Variants in GLI2 observed in about 807,000 individuals in gnomAD.
GLI2 encodes the protein GLI family zinc finger 2, also known as transcription activator GLI2.
GLI2 carries 22 observed loss-of-function variants against 78.9 expected under a neutral mutation model. The observed-to-expected ratio is 0.28, with a 90% CI of 0.20 to 0.40. GLI2 has a LOEUF of 0.40. GLI2 is among the 10% of genes least tolerant of loss of function. The pLI is 1.00. For synonymous variants in GLI2, 974 were observed against 963.7 expected, an observed-to-expected ratio of 1.01 and a Z score of -0.20; for missense variants, 2,097 against 2,213.2, an observed-to-expected ratio of 0.95 and a Z score of 1.05.
At chr2:120,744,016 G>T (rs1208556855) in intron 1 of GLI2, among the ~76,000 whole-genome samples, 3 of 152,224 alleles carry the variant, frequency 2.0e-5, no homozygotes, top group Non-Finnish European at 4.4e-5. Context: ...GTGGTCACAG[G>T]GTCAGTGTAA....
intron 4 of GLI2, 93 bp from the exon 5 acceptor site, chr2:120,955,152 C>A: frequency 3.3e-6 from 1 of 304,662 alleles, no homozygotes; most frequent in Non-Finnish European, 5.9e-6. Context: ...TTTCTCTCTG[C>A]CTTTTTTTTT....
At chr2:120,901,822 A>G (rs960231436) in intron 2 of GLI2, among the ~76,000 whole-genome samples, 6 of 152,186 alleles carry the variant, frequency 3.9e-5, no homozygotes, top group Non-Finnish European at 8.8e-5. Flanking sequence ...TAGATTAAGG[A>G]GGTGAGATTA....
chr2:120,888,502 C>T (rs1677523806), intron 2 of GLI2, among the ~76,000 whole-genome samples: 1 of 152,024 alleles, frequency 6.6e-6, no homozygotes. Context: ...CAGGAGAGAC[C>T]CTGTGCAGTG....
At chr2:120,905,160 T>C (rs112405240) in intron 2 of GLI2, among the ~76,000 whole-genome samples, 3,250 of 151,698 alleles carry the variant, frequency 0.021, 67 homozygotes, top group Non-Finnish European at 0.031. Flanking sequence ...CAGGCTCCCT[T>C]GGGGCCTGCA....
At chr2:120,758,731 G>A (rs1823264) in intron 1 of GLI2, among the ~76,000 whole-genome samples, 7,890 of 152,340 alleles carry the variant, frequency 0.052, 282 homozygotes, top group Middle Eastern at 0.11. Context: ...CTTGGCTTGC[G>A]GGTGAGGGCC....
chr2:120,937,445 T>A (rs140004742), intron 3 of GLI2, among the ~76,000 whole-genome samples: 1 of 152,042 alleles, frequency 6.6e-6, no homozygotes, highest in Non-Finnish European at 1.5e-5. Flanking sequence ...CATGATCTGG[T>A]TGGGGAGAGG....
At chr2:120,905,820 G>A (rs1678496544) in intron 2 of GLI2, among the ~76,000 whole-genome samples, 1 of 152,122 alleles carries the variant, frequency 6.6e-6, no homozygotes, top group Non-Finnish European at 1.5e-5. Flanking sequence ...GCAGGTGTTG[G>A]CTGTTGCCCT....
At chr2:120,821,572 G>A (rs1196198478) in intron 2 of GLI2, among the ~76,000 whole-genome samples, 2 of 152,132 alleles carry the variant, frequency 1.3e-5, no homozygotes, top group Non-Finnish European at 2.9e-5. Context: ...GGTGGGCCCT[G>A]GGGAGGGGAC....
At chr2:120,845,687 G>C (rs1182953776) in intron 2 of GLI2, among the ~76,000 whole-genome samples, 1 of 152,214 alleles carries the variant, frequency 6.6e-6, no homozygotes, top group Non-Finnish European at 1.5e-5. Context: ...TCGGGACACT[G>C]CCTGGACTCT....
At chr2:120,804,545 C>T (rs989253215) in intron 2 of GLI2, among the ~76,000 whole-genome samples, 1 of 151,998 alleles carries the variant, frequency 6.6e-6, no homozygotes, top group Non-Finnish European at 1.5e-5. Flanking sequence ...CTGGCTTATC[C>T]GAGTTTCTCT....
chr2:120,755,041 G>A (rs1270155344), intron 1 of GLI2, among the ~76,000 whole-genome samples: 3 of 151,930 alleles, frequency 2.0e-5, no homozygotes, highest in Admixed American at 6.6e-5. Context: ...TAGTAGAGAC[G>A]GGTTTCACCA....
At chr2:120,780,977 C>A (rs967552777) in intron 1 of GLI2, among the ~76,000 whole-genome samples, 3 of 152,152 alleles carry the variant, frequency 2.0e-5, no homozygotes, top group Admixed American at 6.5e-5. Context: ...CTGGCTCACC[C>A]CTCTGTCCTG....
intron 1 of GLI2, among the ~76,000 whole-genome samples, chr2:120,782,301 C>T (rs1683872478): frequency 6.6e-6 from 1 of 152,136 alleles, no homozygotes; most frequent in East Asian, 1.9e-4. Flanking sequence ...TGGTAGACTT[C>T]CTTCAGGGAT....
intron 2 of GLI2, among the ~76,000 whole-genome samples, chr2:120,913,322 T>G (rs564836081): frequency 6.6e-6 from 1 of 152,332 alleles, no homozygotes; most frequent in South Asian, 2.1e-4. Context: ...GTACCAGGTT[T>G]TGAAGACGTA....
chr2:120,902,851 T>C (rs1415573313), intron 2 of GLI2, among the ~76,000 whole-genome samples: 1 of 152,194 alleles, frequency 6.6e-6, no homozygotes, highest in Non-Finnish European at 1.5e-5. Flanking sequence ...TTCTTTAGGC[T>C]CCCAAGGAGA....
At chr2:120,899,706 G>A (rs947919148) in intron 2 of GLI2, among the ~76,000 whole-genome samples, 9 of 152,334 alleles carry the variant, frequency 5.9e-5, no homozygotes, top group South Asian at 4.1e-4. Flanking sequence ...AATAGGAATG[G>A]CGGTGCCCAT....
intron 3 of GLI2, among the ~76,000 whole-genome samples, chr2:120,935,529 A>G (rs113310367): frequency 4.6e-5 from 7 of 152,188 alleles, no homozygotes; most frequent in Non-Finnish European, 8.8e-5. Context: ...GAGGAGCAGT[A>G]GCAGGAGTCT....
intron 1 of GLI2, among the ~76,000 whole-genome samples, chr2:120,753,547 A>G (rs1287074959): frequency 3.3e-5 from 5 of 152,076 alleles, no homozygotes; most frequent in African/African-American, 1.2e-4. Context: ...GTTTCTTAGC[A>G]ATTTTTCCGT....
chr2:120,854,378 C>T lies in GLI2; in HGVS notation c.148+56910C>T, dbSNP rs574681592. Among the ~76,000 whole-genome samples the T allele has an allele frequency of 6.0e-4, 92 of 152,296 alleles. 1 individual carries two copies. The South Asian group carries it at 0.018, about 30-fold the overall frequency. ...AGAGGGTCTGCCTGCCAGTTCCAGCCGCGCATAGCCTTCCCTTTCCTGAGG... is the reference window on the plus strand; with the variant it reads ...AGAGGGTCTGCCTGCCAGTTCCAGCTGCGCATAGCCTTCCCTTTCCTGAGG... On this transcript the variant is annotated intron_variant, in intron 2 of 13. Coordinates refer to ENST00000361492, the MANE Select transcript of GLI2 (RefSeq NM_001374353.1).
Sources: allele counts gnomAD v4.1 joint callset (sites outside exome capture counted in the v4.1 genomes callset), GRCh38; gene constraint gnomAD v4.1.1; transcripts MANE v1.5; gene names NCBI Gene and HGNC (gene_info 2026-07-23, HGNC 2026-07-21).